Variants in IPCEF1 observed in about 807,000 individuals in gnomAD.
IPCEF1 encodes the protein interactor protein for cytohesin exchange factors 1.
IPCEF1 carries 31 observed loss-of-function variants against 50.9 expected under a neutral mutation model. The observed-to-expected ratio is 0.61, with a 90% CI of 0.46 to 0.82. The LOEUF (loss-of-function observed/expected upper bound fraction) is 0.82. IPCEF1 is among the 40% of genes least tolerant of loss of function. The pLI, the probability that IPCEF1 is intolerant of heterozygous loss-of-function variation, is 0.00. For missense variants in IPCEF1, 458 were observed against 514.0 expected, an observed-to-expected ratio of 0.89 and a Z score of 1.05; for synonymous variants, 181 against 192.0, an observed-to-expected ratio of 0.94 and a Z score of 0.47.
intron 10 of IPCEF1, among the ~76,000 whole-genome samples, chr6:154,174,446 C>T (rs1170786331): frequency 6.6e-5 from 10 of 151,870 alleles, no homozygotes; most frequent in Admixed American, 6.6e-4. Context: ...CAGAGACACA[C>T]ACAGGCTCAA....
chr6:154,313,999 T>C (rs573325769), intron 1 of IPCEF1, among the ~76,000 whole-genome samples: 1 of 152,198 alleles, frequency 6.6e-6, no homozygotes, highest in Admixed American at 6.5e-5. Flanking sequence ...CTTCCCATCT[T>C]GGCCCCCCAA....
At chr6:154,229,865 C>T (rs1235104325) in intron 5 of IPCEF1, among the ~76,000 whole-genome samples, 3 of 152,140 alleles carry the variant, frequency 2.0e-5, no homozygotes, top group South Asian at 2.1e-4. Context: ...AGCCATACGA[C>T]GAAATGCTAT....
At chr6:154,187,631 T>C (rs1273957985) in intron 10 of IPCEF1, among the ~76,000 whole-genome samples, 3 of 152,194 alleles carry the variant, frequency 2.0e-5, no homozygotes, top group Admixed American at 2.0e-4. Flanking sequence ...TAGTTATATA[T>C]GGCTTGGCTC....
intron 3 of IPCEF1, among the ~76,000 whole-genome samples, chr6:154,250,316 A>G (rs1781306165): frequency 6.6e-6 from 1 of 151,968 alleles, no homozygotes. Context: ...AATAGGGGAA[A>G]TTATAACTTG....
intron 1 of IPCEF1, among the ~76,000 whole-genome samples, chr6:154,301,385 G>A (rs980204592): frequency 6.6e-6 from 1 of 152,172 alleles, no homozygotes; most frequent in African/African-American, 2.4e-5. Context: ...CAAGGGTTGA[G>A]GCTATCTGAT....
intron 10 of IPCEF1, among the ~76,000 whole-genome samples, chr6:154,180,348 A>G (rs774278522): frequency 2.8e-4 from 17 of 61,450 alleles, no homozygotes; most frequent in Non-Finnish European, 6.5e-4. Context: ...GAAAGGAGAC[A>G]TATATATATA....
At chr6:154,232,081 C>A (rs1050411378) in intron 5 of IPCEF1, among the ~76,000 whole-genome samples, 3 of 152,016 alleles carry the variant, frequency 2.0e-5, no homozygotes, top group African/African-American at 7.3e-5. Flanking sequence ...TAAAATTGCA[C>A]AGAATCTAAA....
intron 9 of IPCEF1, among the ~76,000 whole-genome samples, chr6:154,202,568 T>G (rs1233718588): frequency 6.6e-6 from 1 of 152,196 alleles, no homozygotes; most frequent in African/African-American, 2.4e-5. Context: ...CCAAATAAGC[T>G]TTTCCTCTTA....
chr6:154,313,337 T>G (rs1783132391), intron 1 of IPCEF1, among the ~76,000 whole-genome samples: 1 of 149,898 alleles, frequency 6.7e-6, no homozygotes, highest in South Asian at 2.1e-4. Context: ...ATCGCGCCAC[T>G]CCACTCCATC....
chr6:154,282,123 T>C (rs1782231709), intron 2 of IPCEF1, among the ~76,000 whole-genome samples: 1 of 151,082 alleles, frequency 6.6e-6, no homozygotes. Flanking sequence ...GAGCCGAGAT[T>C]GCACCACTGC....
intron 7 of IPCEF1, among the ~76,000 whole-genome samples, chr6:154,215,100 G>A (rs572966411): frequency 5.3e-5 from 8 of 152,248 alleles, no homozygotes; most frequent in Admixed American, 1.3e-4. Context: ...GGGAAAATCC[G>A]TGCTACACGT....
chr6:154,250,934 C>T (rs1310502206), intron 3 of IPCEF1, among the ~76,000 whole-genome samples: 1 of 152,132 alleles, frequency 6.6e-6, no homozygotes, highest in Admixed American at 6.5e-5. Flanking sequence ...AACCAAGCCA[C>T]AGAAATTCCT....
At chr6:154,268,569 TTTC>T (rs1285872059) in intron 2 of IPCEF1, among the ~76,000 whole-genome samples, 1 of 152,208 alleles carries the variant, frequency 6.6e-6, no homozygotes, top group African/African-American at 2.4e-5. Flanking sequence ...CAGTGATTTT[TTTC>T]AATGCACATC....
At position 154,199,919 on chromosome 6, in the gene IPCEF1, T is replaced by G; in HGVS notation, c.659A>C (p.Gln220Pro). 2 of 1,614,240 alleles carry G rather than the reference T, an allele frequency of 1.2e-6. No homozygotes were observed. Among genetic ancestry groups the G allele is most frequent in the East Asian group, 4.5e-5 (2 of 44,878 alleles). ...SFPSSLSKER[Q>P]SLPDTVNSLS... ...ACTGTTAACTGTGTCAGGCAAGGAT[T>G]GTCTCTCTTTAGATAAGGAGGAAGG... is the stretch of plus-strand genomic sequence containing the variant. Residue 220 changes from glutamine to proline, a missense_variant, in exon 10 of 12, where the codon CAA (glutamine) becomes CCA (proline). Physicochemically the swap from Gln to Pro is moderately conservative, Grantham distance 76. Coordinates refer to ENST00000367220, the MANE Select transcript of IPCEF1 (RefSeq NM_001130700.2).
intron 3 of IPCEF1, among the ~76,000 whole-genome samples, chr6:154,259,035 C>T (rs1234335640): frequency 6.6e-6 from 1 of 152,178 alleles, no homozygotes; most frequent in African/African-American, 2.4e-5. Context: ...TCTGCAAAGC[C>T]ATCTACTGCT....
intron 1 of IPCEF1, among the ~76,000 whole-genome samples, chr6:154,301,648 A>G (rs1782798333): frequency 6.6e-6 from 1 of 152,130 alleles, no homozygotes; most frequent in African/African-American, 2.4e-5. Context: ...AGAGTTATTT[A>G]TTGAGCCCTG....
At chr6:154,311,898 A>G (rs1783086950) in intron 1 of IPCEF1, among the ~76,000 whole-genome samples, 1 of 152,224 alleles carries the variant, frequency 6.6e-6, no homozygotes, top group East Asian at 1.9e-4. Context: ...AAGTTTCTCA[A>G]AAAATTAAAA....
At chr6:154,276,681 G>A (rs1782071540) in intron 2 of IPCEF1, among the ~76,000 whole-genome samples, 1 of 152,190 alleles carries the variant, frequency 6.6e-6, no homozygotes, top group Non-Finnish European at 1.5e-5. Flanking sequence ...CATCAGCAGT[G>A]CTGTCTCAGA....
chr6:154,241,439 T>G (rs552267105), intron 5 of IPCEF1, among the ~76,000 whole-genome samples: 4 of 151,252 alleles, frequency 2.6e-5, no homozygotes, highest in African/African-American at 9.7e-5. Context: ...ACCAAAAAAG[T>G]AAGCGACGGT....
Sources: gnomAD v4.1 joint callset for allele counts (sites outside exome capture counted in the v4.1 genomes callset) on GRCh38, gnomAD v4.1.1 for gene constraint, MANE v1.5 for transcripts, NCBI Gene and HGNC (gene_info 2026-07-23, HGNC 2026-07-21) for gene names.